Variants in KIT observed in about 807,000 individuals in gnomAD.
KIT encodes mast/stem cell growth factor receptor Kit.
In KIT, 16 loss-of-function variants were observed where a neutral mutation model predicts 105.7. That is an observed-to-expected ratio of 0.15 (90% CI 0.10 to 0.23). The LOEUF (loss-of-function observed/expected upper bound fraction) is 0.23, where lower values mean the gene tolerates loss of function less well. Ranked by LOEUF, KIT falls within the 10% of genes least tolerant of loss-of-function variation. The probability of loss-of-function intolerance (pLI) is 1.00; values close to 1 mark genes in which losing one functional copy is unlikely to be tolerated. For missense variants in KIT, 858 were observed against 1,213.8 expected (o/e 0.71, Z 4.36); for synonymous variants, 438 against 441.1 (o/e 0.99, Z 0.09).
At chr4:54,732,806 C>G (rs1722691722) in intron 16 of KIT, among the ~76,000 whole-genome samples, 1 of 152,054 alleles carries the variant, frequency 6.6e-6, no homozygotes, top group Non-Finnish European at 1.5e-5. Context: ...TTATGTATTT[C>G]CCTATGAATG....
At chr4:54,667,052 A>C (rs569230628) in intron 1 of KIT, among the ~76,000 whole-genome samples, 67 of 152,298 alleles carry the variant, frequency 4.4e-4, no homozygotes, top group African/African-American at 1.3e-3. Flanking sequence ...ATAATCTATC[A>C]TTTAGCCCTA....
chr4:54,714,460 T>C (rs1000335020), intron 7 of KIT, among the ~76,000 whole-genome samples: 3 of 152,114 alleles, frequency 2.0e-5, no homozygotes, highest in Non-Finnish European at 4.4e-5. Context: ...CCATCTAGTA[T>C]TTCTTGAATA....
chr4:54,669,818 G>T (rs1717981038), intron 1 of KIT, among the ~76,000 whole-genome samples: 1 of 152,118 alleles, frequency 6.6e-6, no homozygotes, highest in Non-Finnish European at 1.5e-5. Context: ...AGAAAAGAAA[G>T]GTGATGCAGA....
intron 7 of KIT, among the ~76,000 whole-genome samples, chr4:54,712,107 TTG>T (rs1340838887): frequency 6.6e-6 from 1 of 152,180 alleles, no homozygotes; most frequent in African/African-American, 2.4e-5. Flanking sequence ...GTGGCTGCTC[TTG>T]TGTGATGCTT....
At chr4:54,663,561 G>A (rs1717462044) in intron 1 of KIT, among the ~76,000 whole-genome samples, 1 of 151,896 alleles carries the variant, frequency 6.6e-6, no homozygotes, top group African/African-American at 2.4e-5. Context: ...TTAATTAGTG[G>A]TAATGCATGT....
chr4:54,724,080 G>A (rs745312107), intron 8 of KIT, among the ~76,000 whole-genome samples: 5 of 152,138 alleles, frequency 3.3e-5, no homozygotes, highest in Admixed American at 6.5e-5. Flanking sequence ...GTAGTTAATT[G>A]CCAAGTTACC....
At chr4:54,689,759 G>A (rs917727542) in intron 1 of KIT, among the ~76,000 whole-genome samples, 21 of 152,268 alleles carry the variant, frequency 1.4e-4, no homozygotes, top group Middle Eastern at 3.4e-3. Flanking sequence ...TCCCAATTCT[G>A]TGTGGCACCA....
At chr4:54,675,133 T>G (rs1330364640) in intron 1 of KIT, among the ~76,000 whole-genome samples, 1 of 152,154 alleles carries the variant, frequency 6.6e-6, no homozygotes, top group East Asian at 1.9e-4. Context: ...CCAACCTGAG[T>G]TTTCCTCCAA....
intron 7 of KIT, among the ~76,000 whole-genome samples, chr4:54,720,351 C>G (rs1207490107): frequency 6.6e-6 from 1 of 152,186 alleles, no homozygotes; most frequent in Non-Finnish European, 1.5e-5. Context: ...AACAAAACTG[C>G]TTAATTAACC....
chr4:54,667,956 A>T (rs936446020), intron 1 of KIT, among the ~76,000 whole-genome samples: 1 of 152,054 alleles, frequency 6.6e-6, no homozygotes, highest in African/African-American at 2.4e-5. Context: ...AAGATTAGAG[A>T]TTTTGTGGGC....
At chr4:54,698,164 A>G in intron 2 of KIT, 120 bp from the exon 3 acceptor site, 1 of 1,046,936 alleles carries the variant, frequency 9.6e-7, no homozygotes, top group Admixed American at 2.0e-5. Context: ...TTGTTTACAC[A>G]GAAAAAAGCA....
chr4:54,703,653 T>G, intron 4 of KIT, 71 bp from the exon 5 acceptor site: 1 of 1,294,504 alleles, frequency 7.7e-7, no homozygotes, highest in Non-Finnish European at 1.1e-6. Flanking sequence ...TTTTAATTTA[T>G]CTAGGAAAGA....
At chr4:54,659,001 C>T (rs1326224682) in intron 1 of KIT, among the ~76,000 whole-genome samples, 1 of 152,136 alleles carries the variant, frequency 6.6e-6, no homozygotes, top group East Asian at 1.9e-4. Flanking sequence ...CCTAGCACGC[C>T]GGCCAGAGTG....
At chr4:54,666,910 C>T (rs1459617651) in intron 1 of KIT, among the ~76,000 whole-genome samples, 4 of 152,090 alleles carry the variant, frequency 2.6e-5, no homozygotes, top group Non-Finnish European at 5.9e-5. Context: ...AAGTAAAGAA[C>T]CCACAGCCTA....
chr4:54,684,958 A>C (rs537858861), intron 1 of KIT, among the ~76,000 whole-genome samples: 1 of 152,148 alleles, frequency 6.6e-6, no homozygotes, highest in Non-Finnish European at 1.5e-5. Context: ...CTGCTCCCCA[A>C]CCTACTACCT....
intron 1 of KIT, among the ~76,000 whole-genome samples, chr4:54,671,923 A>G (rs1475755758): frequency 1.3e-5 from 2 of 152,202 alleles, no homozygotes; most frequent in Non-Finnish European, 2.9e-5. Flanking sequence ...AATTTCATCT[A>G]TAAATATTTT....
chr4:54,711,943 A>G (rs1721190016), intron 7 of KIT, among the ~76,000 whole-genome samples: 1 of 151,970 alleles, frequency 6.6e-6, no homozygotes, highest in African/African-American at 2.4e-5. Flanking sequence ...AAAAAAAAAA[A>G]AAAGATAATA....
At chr4:54,720,278 A>G (rs1721784165) in intron 7 of KIT, among the ~76,000 whole-genome samples, 1 of 152,158 alleles carries the variant, frequency 6.6e-6, no homozygotes, top group South Asian at 2.1e-4. Context: ...GGCCAACCTA[A>G]GGCCAGCAGG....
At chr4:54,686,934 G>C (rs995633780) in intron 1 of KIT, among the ~76,000 whole-genome samples, 1 of 152,180 alleles carries the variant, frequency 6.6e-6, no homozygotes, top group Non-Finnish European at 1.5e-5. Flanking sequence ...TTAAGAGAAA[G>C]TGTGATCCGT....
Sources: gnomAD v4.1 joint callset for allele counts (sites outside exome capture counted in the v4.1 genomes callset) on GRCh38, gnomAD v4.1.1 for gene constraint, MANE v1.5 for transcripts, NCBI Gene and HGNC (gene_info 2026-07-23, HGNC 2026-07-21) for gene names.